The following CRYBG3 variants were observed in gnomAD, a reference collection of about 807,000 sequenced individuals.
CRYBG3 encodes very large A-kinase anchor protein.
In CRYBG3, 127 loss-of-function variants were observed where a neutral mutation model predicts 244.2. That is an observed-to-expected ratio of 0.52 (90% confidence interval 0.45 to 0.60). The LOEUF (loss-of-function observed/expected upper bound fraction) is 0.60. CRYBG3 is among the 20% of genes least tolerant of loss of function. The pLI is 0.00. For synonymous variants in CRYBG3, 1,132 were observed against 1,195.8 expected, an observed-to-expected ratio of 0.95 and a Z score of 1.10; for missense variants, 3,325 against 3,442.5, an observed-to-expected ratio of 0.97 and a Z score of 0.85.
chr3:97,875,610 T>C lies in CRYBG3; in HGVS notation c.4416T>C (p.Leu1472=), dbSNP rs2039361825. 3 of 1,235,276 alleles carry C rather than the reference T, an allele frequency of 2.4e-6. No individual in the cohort carries two copies. Among genetic ancestry groups the C allele is most frequent in the Non-Finnish European group, 3.0e-6 (3 of 990,402 alleles). The allele number at this position is 1,235,276 out of a possible 1,614,324, so 76.5% of individuals were successfully genotyped here. The change falls in exon 4 of 22, where the codon CTT becomes CTC. Residue 1472 remains leucine (L), a synonymous_variant. Coordinates refer to ENST00000389622, the MANE Select transcript of CRYBG3 (RefSeq NM_153605.4). ...CTGAGACAGAGGACAGAAGAACTCT[T>C]GTATTAAATTTCAAATGGCCTCCAC... ...NKTETEDRRT[L]VLNFKWPPLV... is the part of the protein sequence containing the mutation.
At chr3:97,856,004 G>A (rs879641649) in intron 2 of CRYBG3, among the ~76,000 whole-genome samples, 11 of 152,042 alleles carry the variant, frequency 7.2e-5, no homozygotes, top group Non-Finnish European at 1.6e-4. Context: ...TTTATTAGGC[G>A]GGAATTTCCT....
intron 15 of CRYBG3, among the ~76,000 whole-genome samples, chr3:97,911,030 A>G (rs116095121): frequency 0.014 from 2,191 of 152,304 alleles, 54 homozygotes; most frequent in African/African-American, 0.05. Flanking sequence ...GTGGTTTCAC[A>G]GTAGGAAGTG....
At chr3:97,832,854 A>G (rs2038673461) in intron 1 of CRYBG3, among the ~76,000 whole-genome samples, 1 of 152,186 alleles carries the variant, frequency 6.6e-6, no homozygotes, top group East Asian at 1.9e-4. Context: ...TCTACAAAGA[A>G]CTCAAACAAA....
In CRYBG3 at chr3:97,863,910, C is replaced by T. The variant is rs541370477; in HGVS notation, c.217-307C>T. ...TCTGTCCTCTTTAAAGAGTGTACTT[C>T]CTCTAGGAAGCATCCCCCAAGTTAC... On this transcript the variant is annotated intron_variant, in intron 2 of 21. Coordinates refer to ENST00000389622, the MANE Select transcript of CRYBG3 (RefSeq NM_153605.4). Among the ~76,000 whole-genome samples the T allele has an allele frequency of 2.4e-3, 360 of 152,210 alleles. 1 individual carries two copies. Among genetic ancestry groups the T allele is most frequent in the Non-Finnish European group, 3.5e-3 (239 of 67,988 alleles).
intron 1 of CRYBG3, among the ~76,000 whole-genome samples, chr3:97,823,024 C>G (rs982810203): frequency 5.9e-5 from 9 of 152,194 alleles, no homozygotes; most frequent in African/African-American, 2.2e-4. Context: ...CCTCAAGTTC[C>G]CAAACAGATT....
chr3:97,851,537 A>G (rs970198092), intron 2 of CRYBG3, among the ~76,000 whole-genome samples: 62 of 152,334 alleles, frequency 4.1e-4, no homozygotes, highest in African/African-American at 1.5e-3. Context: ...TTTTCCAGGC[A>G]AAGAGAGCAA....
rs912539937 is a variant in CRYBG3 at position 97,875,665 on chromosome 3, A to G, written c.4471A>G (p.Thr1491Ala). 3.2e-5 allele frequency: 39 copies of G among 1,233,714 alleles called. No homozygotes were observed. The highest frequency in any genetic ancestry group is 1.2e-4 in the African/African-American group (8 of 64,432). 76.4% of individuals were successfully genotyped at this position (1,233,714 alleles called of 1,614,324 possible). Residue 1491 changes from threonine (T) to alanine (A), a missense_variant, in exon 4 of 22, where the codon ACA becomes GCA. Physicochemically the swap from Thr to Ala is moderately conservative, Grantham distance 58. This residue lies in a region of CRYBG3 where 635 missense variants were observed against 771.7 expected (regional missense o/e 0.82). Transcript: ENST00000389622. ...GAATGATGACATCCATGCACCTGGT[A>G]CATCTAAAAGCAGTTTGTCTGATAG... ...LVNDDIHAPGTSKSSLSDSLV... is the reference protein window; with the variant it reads ...LVNDDIHAPGASKSSLSDSLV...
chr3:97,897,888 G>GTTT (rs1339045661), intron 12 of CRYBG3, among the ~76,000 whole-genome samples: 1 of 152,054 alleles, frequency 6.6e-6, no homozygotes, highest in Non-Finnish European at 1.5e-5. Context: ...TGAGCAATAT[G>GTTT]TTTTGACAAA....
At chr3:97,912,617 A>G (rs2039885081) in intron 16 of CRYBG3, among the ~76,000 whole-genome samples, 1 of 152,150 alleles carries the variant, frequency 6.6e-6, no homozygotes, top group Non-Finnish European at 1.5e-5. Flanking sequence ...TATTCAAGTA[A>G]GACATATTAA....
chr3:97,841,032 A>T (rs1297939528), intron 1 of CRYBG3, among the ~76,000 whole-genome samples: 1 of 152,038 alleles, frequency 6.6e-6, no homozygotes, highest in Non-Finnish European at 1.5e-5. Context: ...ATAAGAATTT[A>T]TTCACTTTTA....
chr3:97,880,167 CT>C (rs893936145), intron 6 of CRYBG3, 67 bp downstream of exon 6: 33 of 781,296 alleles, frequency 4.2e-5, no homozygotes, highest in African/African-American at 7.2e-5. Flanking sequence ...GCTGTTAATG[CT>C]TTTTTTTCTA....
intron 15 of CRYBG3, among the ~76,000 whole-genome samples, chr3:97,904,761 A>C: frequency 7.1e-6 from 1 of 141,390 alleles, no homozygotes; most frequent in Non-Finnish European, 1.5e-5. Flanking sequence ...ATTATACTTT[A>C]AGTTTTAGGG....
intron 1 of CRYBG3, among the ~76,000 whole-genome samples, chr3:97,823,376 T>C (rs1318614105): frequency 6.6e-6 from 1 of 152,168 alleles, no homozygotes; most frequent in Non-Finnish European, 1.5e-5. Flanking sequence ...GAAACAGAAC[T>C]GAGAGTGAGC....
At position 97,941,317 on chromosome 3, in the gene CRYBG3, C is replaced by G; in HGVS notation, c.8664+11C>G. 6.3e-7 allele frequency: 1 copy of G among 1,582,932 alleles called. No individual in the cohort carries two copies. The highest frequency in any genetic ancestry group is 1.4e-5 in the African/African-American group (1 of 74,068). ...CTCTTTAAATCCAAGGTAAGCAATC[C>G]CACTGATACAGTATGCCACTTTCTG... On this transcript the variant is annotated intron_variant, in intron 20 of 21. Coordinates refer to ENST00000389622, the MANE Select transcript of CRYBG3 (RefSeq NM_153605.4).
chr3:97,939,970 T>C (rs2040207159), intron 19 of CRYBG3, among the ~76,000 whole-genome samples: 1 of 152,060 alleles, frequency 6.6e-6, no homozygotes, highest in African/African-American at 2.4e-5. Flanking sequence ...AACAGTAGAC[T>C]GTTCATTGGT....
intron 15 of CRYBG3, among the ~76,000 whole-genome samples, chr3:97,910,856 C>A (rs2039863903): frequency 6.6e-6 from 1 of 152,130 alleles, no homozygotes; most frequent in Middle Eastern, 3.2e-3. Flanking sequence ...TGCTTTTTAG[C>A]CTCACATTTT....
Position 97,877,069 on chromosome 3 carries a change from G to A in CRYBG3, c.5875G>A (p.Val1959Ile). Residue 1959 changes from valine (V) to isoleucine (I), a missense_variant, in exon 4 of 22, where the codon GTA becomes ATA. This residue lies in a region of CRYBG3 where 450 missense variants were observed against 424.1 expected (regional missense o/e 1.06). Transcript: ENST00000389622. Reference sequence around the variant, plus strand: ...AGATTTTCAACCTGGGGATACCACAGTAAGACTAGACAAAAGAATGTCTCT... The same window carrying A: ...AGATTTTCAACCTGGGGATACCACAATAAGACTAGACAAAAGAATGTCTCT... ...MPDFQPGDTT[V>I]RLDKRMSLTA... 6.2e-7 allele frequency: 1 copy of A among 1,608,326 alleles called. No individual in the cohort carries two copies. Among genetic ancestry groups the A allele is most frequent in the Non-Finnish European group, 8.5e-7 (1 of 1,176,966 alleles).
intron 15 of CRYBG3, among the ~76,000 whole-genome samples, chr3:97,905,842 T>C (rs1218322552): frequency 9.4e-6 from 1 of 105,956 alleles, no homozygotes; most frequent in East Asian, 3.0e-4. Context: ...TGAATGGTAT[T>C]GCCTAGGTTT....
intron 20 of CRYBG3, 45 bp from the exon 21 acceptor site, chr3:97,942,239 T>G: frequency 1.3e-6 from 2 of 1,549,736 alleles, no homozygotes; most frequent in Non-Finnish European, 1.8e-6. Context: ...CAACTTACTT[T>G]AGCAAACATA....
Sources: allele counts gnomAD v4.1 joint callset (sites outside exome capture counted in the v4.1 genomes callset), GRCh38; gene constraint gnomAD v4.1.1; regional missense constraint gnomAD v4.1.1; transcripts MANE v1.5; gene names NCBI Gene and HGNC (gene_info 2026-07-23, HGNC 2026-07-21).